The following GPC5 variants were observed in gnomAD, a reference collection of about 807,000 sequenced individuals.
GPC5 encodes glypican 5.
Under a neutral mutation model 53.9 loss-of-function variants are expected in GPC5, and 47 were observed. The ratio of observed to expected loss-of-function variants is 0.87; its 90% CI spans 0.69 to 1.11. GPC5 has a LOEUF of 1.11. GPC5 is among the 50% of genes most tolerant of loss of function. The probability of loss-of-function intolerance (pLI) is 0.00; values close to 1 mark genes in which losing one functional copy is unlikely to be tolerated. For synonymous variants in GPC5, 286 were observed against 263.3 expected, an observed-to-expected ratio of 1.09 and a Z score of -0.84; for missense variants, 748 against 713.1, an observed-to-expected ratio of 1.05 and a Z score of -0.56.
intron 5 of GPC5, among the ~76,000 whole-genome samples, chr13:91,822,764 C>T (rs2038516075): frequency 6.6e-6 from 1 of 152,024 alleles, no homozygotes; most frequent in Admixed American, 6.6e-5. Context: ...GAAAAGTTTG[C>T]TGTTGAAGGA....
At chr13:92,035,737 T>C (rs1471645949) in intron 6 of GPC5, among the ~76,000 whole-genome samples, 1 of 149,808 alleles carries the variant, frequency 6.7e-6, no homozygotes, top group Non-Finnish European at 1.5e-5. Flanking sequence ...TGGCAGATGT[T>C]TCTTTCTGAG....
chr13:92,447,802 T>G (rs1417850056), intron 7 of GPC5: 1 of 152,104 alleles, frequency 6.6e-6, no homozygotes, highest in Non-Finnish European at 1.5e-5. Context: ...GAACATATGT[T>G]TAAGAGTGCT....
At chr13:91,917,636 C>A (rs2139011652) in intron 6 of GPC5, among the ~76,000 whole-genome samples, 1 of 152,290 alleles carries the variant, frequency 6.6e-6, no homozygotes, top group South Asian at 2.1e-4. Context: ...TTATTCTGCC[C>A]AATACCCTAA....
chr13:92,760,810 T>A (rs1875135923), intron 7 of GPC5, among the ~76,000 whole-genome samples: 1 of 152,164 alleles, frequency 6.6e-6, no homozygotes, highest in South Asian at 2.1e-4. Flanking sequence ...CCCTTAGAAC[T>A]GCTTTTGCTG....
At chr13:91,961,696 A>G (rs2040127292) in intron 6 of GPC5, among the ~76,000 whole-genome samples, 1 of 152,114 alleles carries the variant, frequency 6.6e-6, no homozygotes, top group Non-Finnish European at 1.5e-5. Flanking sequence ...GTTCATGCAT[A>G]TGATACGGCA....
At chr13:92,267,936 T>A (rs1330314603) in intron 7 of GPC5, among the ~76,000 whole-genome samples, 1 of 152,108 alleles carries the variant, frequency 6.6e-6, no homozygotes, top group Non-Finnish European at 1.5e-5. Flanking sequence ...CTTCTGAGAT[T>A]TATCTCACAG....
intron 2 of GPC5, among the ~76,000 whole-genome samples, chr13:91,591,253 A>G (rs2032787581): frequency 6.6e-6 from 1 of 152,222 alleles, no homozygotes; most frequent in Non-Finnish European, 1.5e-5. Context: ...TCACCTCCTC[A>G]GGGACCTTCT....
intron 7 of GPC5, among the ~76,000 whole-genome samples, chr13:92,202,545 T>G (rs1338090682): frequency 6.6e-6 from 1 of 152,176 alleles, no homozygotes; most frequent in African/African-American, 2.4e-5. Flanking sequence ...AAACAAATAG[T>G]TACACACTAG....
chr13:91,492,971 G>A (rs1476938276), intron 2 of GPC5, among the ~76,000 whole-genome samples: 1 of 142,072 alleles, frequency 7.0e-6, no homozygotes, highest in East Asian at 2.1e-4. Flanking sequence ...TACTGTTTCG[G>A]TAACAATTCC....
chr13:92,730,798 A>G (rs951270638), intron 7 of GPC5, among the ~76,000 whole-genome samples: 2 of 151,384 alleles, frequency 1.3e-5, no homozygotes, highest in African/African-American at 4.8e-5. Flanking sequence ...AGGTTATCTC[A>G]AGATATGGAA....
intron 4 of GPC5, among the ~76,000 whole-genome samples, chr13:91,753,184 G>A (rs1007629180): frequency 4.6e-5 from 7 of 152,184 alleles, no homozygotes; most frequent in African/African-American, 1.7e-4. Context: ...AGACAGTTAA[G>A]AAACAATAAG....
At chr13:92,335,983 C>A (rs1566544167) in intron 7 of GPC5, among the ~76,000 whole-genome samples, 2 of 152,316 alleles carry the variant, frequency 1.3e-5, no homozygotes, top group African/African-American at 2.4e-5. Flanking sequence ...ACTGTTCCAA[C>A]TTCTTCCTGT....
chr13:92,663,061 A>G (rs1256734681), intron 7 of GPC5, among the ~76,000 whole-genome samples: 1 of 152,114 alleles, frequency 6.6e-6, no homozygotes, highest in Non-Finnish European at 1.5e-5. Context: ...ATGCAAGCCA[A>G]CAATTTAAAT....
intron 2 of GPC5, among the ~76,000 whole-genome samples, chr13:91,490,445 A>G (rs1303258980): frequency 6.6e-6 from 1 of 152,182 alleles, no homozygotes; most frequent in African/African-American, 2.4e-5. Flanking sequence ...TTTAAGTAGC[A>G]TTCTCTTAGG....
chr13:92,054,678 G>A (rs1400377898), intron 6 of GPC5, among the ~76,000 whole-genome samples: 1 of 152,132 alleles, frequency 6.6e-6, no homozygotes, highest in Non-Finnish European at 1.5e-5. Flanking sequence ...CTATCTGCAA[G>A]GAGTTGACAT....
intron 7 of GPC5, among the ~76,000 whole-genome samples, chr13:92,839,654 A>T (rs915215815): frequency 1.3e-5 from 2 of 152,136 alleles, no homozygotes; most frequent in Non-Finnish European, 2.9e-5. Flanking sequence ...ATGGCTGCAT[A>T]GTACTCCATG....
At chr13:91,962,683 C>A (rs901433869) in intron 6 of GPC5, among the ~76,000 whole-genome samples, 1 of 151,986 alleles carries the variant, frequency 6.6e-6, no homozygotes, top group Admixed American at 6.6e-5. Context: ...ATAACCTATG[C>A]TTAATAGACA....
intron 7 of GPC5, among the ~76,000 whole-genome samples, chr13:92,849,727 G>T (rs1426307500): frequency 6.6e-6 from 1 of 152,084 alleles, no homozygotes; most frequent in African/African-American, 2.4e-5. Context: ...CTAAATGAAA[G>T]AAAATATTTA....
At chr13:92,207,739 T>A (rs2042347683) in intron 7 of GPC5, among the ~76,000 whole-genome samples, 1 of 152,242 alleles carries the variant, frequency 6.6e-6, no homozygotes, top group Non-Finnish European at 1.5e-5. Flanking sequence ...CGGTTATCTG[T>A]CTACTCATTC....
Sources: allele counts gnomAD v4.1 joint callset (sites outside exome capture counted in the v4.1 genomes callset), GRCh38; gene constraint gnomAD v4.1.1; transcripts MANE v1.5; gene names NCBI Gene and HGNC (gene_info 2026-07-23, HGNC 2026-07-21).